Variants in JMJD1C observed in about 807,000 individuals in gnomAD.
JMJD1C encodes the protein jumonji domain containing 1C, also known as jumonji domain-containing protein 1C.
In JMJD1C, 31 loss-of-function variants were observed where a neutral mutation model predicts 245.3. The ratio of observed to expected loss-of-function variants is 0.13; its 90% CI spans 0.09 to 0.17. The LOEUF (loss-of-function observed/expected upper bound fraction) is 0.17, where lower values mean the gene tolerates loss of function less well. Among genes scored for constraint, JMJD1C ranks in the 10% least tolerant of loss-of-function variants. JMJD1C has a pLI of 1.00. For missense variants in JMJD1C, 2,691 were observed against 3,000.2 expected (o/e 0.90, Z 2.41); for synonymous variants, 1,057 against 1,017.4 (o/e 1.04, Z -0.74).
At chr10:63,292,144 A>ATCTTTTTTTTTTTT (rs1858836436) in intron 2 of JMJD1C, among the ~76,000 whole-genome samples, 1 of 56,326 alleles carries the variant, frequency 1.8e-5, no homozygotes, top group African/African-American at 7.4e-5. Context: ...GTAGAGACAG[A>ATCTTTTTTTTTTTT]TTTTTTTTTT....
intron 1 of JMJD1C, among the ~76,000 whole-genome samples, chr10:63,455,955 T>A (rs938282151): frequency 6.6e-6 from 1 of 152,136 alleles, no homozygotes; most frequent in Admixed American, 6.5e-5. Context: ...AATATTATAT[T>A]AACTGTAAGC....
At chr10:63,170,391 A>C (rs75160815) in intron 24 of JMJD1C, among the ~76,000 whole-genome samples, 2,496 of 152,280 alleles carry the variant, frequency 0.016, 35 homozygotes, top group Non-Finnish European at 0.025. Flanking sequence ...TCCCTGCCTC[A>C]GGGTTTGCTG....
At chr10:63,312,845 G>A (rs1348202034) in intron 2 of JMJD1C, among the ~76,000 whole-genome samples, 7 of 152,144 alleles carry the variant, frequency 4.6e-5, no homozygotes, top group South Asian at 2.1e-4. Context: ...ATTATACTTA[G>A]AATTGATTAG....
At chr10:63,185,501 T>C in intron 20 of JMJD1C, 62 bp downstream of exon 20, 2 of 907,704 alleles carry the variant, frequency 2.2e-6, no homozygotes, top group South Asian at 1.4e-5. Context: ...ACTTATCCTA[T>C]CTCTGGGGAC....
At chr10:63,306,062 G>C (rs1293643876) in intron 2 of JMJD1C, among the ~76,000 whole-genome samples, 2 of 151,814 alleles carry the variant, frequency 1.3e-5, no homozygotes, top group Admixed American at 6.6e-5. Context: ...AAAAGACTTA[G>C]TCATTAGTTT....
chr10:63,306,223 G>A (rs1938206016), intron 2 of JMJD1C, among the ~76,000 whole-genome samples: 1 of 152,068 alleles, frequency 6.6e-6, no homozygotes, highest in South Asian at 2.1e-4. Flanking sequence ...CAGTGTAGCT[G>A]GGACTACAGG....
At chr10:63,270,955 T>G (rs376689029) in intron 2 of JMJD1C, among the ~76,000 whole-genome samples, 3 of 152,186 alleles carry the variant, frequency 2.0e-5, no homozygotes, top group Non-Finnish European at 2.9e-5. Context: ...CAGCGAAAAT[T>G]TGTAAGTTTC....
chr10:63,222,865 T>C lies in JMJD1C; in HGVS notation c.448-2882A>G, dbSNP rs199565126. The C allele has an allele frequency of 1.3e-4, 183 of 1,455,628 alleles. No homozygotes were observed. The East Asian group carries it at 3.7e-3, about 29-fold the overall frequency. The allele number at this position is 1,455,628 out of a possible 1,614,324, so 90.2% of individuals were successfully genotyped here. A position where few individuals can be genotyped will look rare whatever the true frequency, so the allele number is the denominator to read the frequency against. ...AAAGTACACATGCTGGATCAAAATA[T>C]ATAAAAACTGCATTTCCTACCAAAA... On this transcript the variant is annotated intron_variant, in intron 3 of 25. Coordinates refer to ENST00000399262, the MANE Select transcript of JMJD1C (RefSeq NM_032776.3).
At chr10:63,341,547 TA>T (rs1943380308) in intron 2 of JMJD1C, among the ~76,000 whole-genome samples, 1 of 152,210 alleles carries the variant, frequency 6.6e-6, no homozygotes, top group African/African-American at 2.4e-5. Context: ...TACCAGCCCA[TA>T]TTAAGCTAAT....
chr10:63,373,788 A>G (rs918957236), intron 2 of JMJD1C, among the ~76,000 whole-genome samples: 1 of 152,220 alleles, frequency 6.6e-6, no homozygotes, highest in Non-Finnish European at 1.5e-5. Flanking sequence ...AGGAATTTTA[A>G]AACGCTTAAC....
intron 1 of JMJD1C, among the ~76,000 whole-genome samples, chr10:63,385,770 CA>C (rs1301729833): frequency 6.6e-6 from 1 of 151,962 alleles, no homozygotes; most frequent in Non-Finnish European, 1.5e-5. Context: ...TATTTAAAAA[CA>C]TTCAGCATCT....
upstream of JMJD1C, among the ~76,000 whole-genome samples, chr10:63,466,790 AT>A (rs58806797): frequency 0.14 from 20,982 of 152,126 alleles, 2,073 homozygotes; most frequent in East Asian, 0.29. Flanking sequence ...AAGAAAAAAA[AT>A]ATTTATTTCC....
At chr10:63,482,635 C>G (rs1028300741) in intron 1 of JMJD1C, among the ~76,000 whole-genome samples, 1 of 150,298 alleles carries the variant, frequency 6.7e-6, no homozygotes, top group African/African-American at 2.4e-5. Context: ...GACTTCATCT[C>G]AAAAAAAAGA....
At chr10:63,429,290 T>C (rs1357243516) in intron 1 of JMJD1C, among the ~76,000 whole-genome samples, 1 of 152,120 alleles carries the variant, frequency 6.6e-6, no homozygotes, top group Non-Finnish European at 1.5e-5. Flanking sequence ...GACAGGTCTT[T>C]TTTAACTCAG....
At chr10:63,425,602 C>T (rs1485599293) in intron 1 of JMJD1C, among the ~76,000 whole-genome samples, 2 of 151,860 alleles carry the variant, frequency 1.3e-5, no homozygotes, top group Non-Finnish European at 2.9e-5. Context: ...GGTAACATGG[C>T]GAGATCCCAT....
At chr10:63,195,669 G>A (rs1207689256) in intron 13 of JMJD1C, among the ~76,000 whole-genome samples, 3 of 152,110 alleles carry the variant, frequency 2.0e-5, no homozygotes, top group Non-Finnish European at 4.4e-5. Flanking sequence ...GGCCAGGCAT[G>A]GTGGCTCACG....
intron 2 of JMJD1C, among the ~76,000 whole-genome samples, chr10:63,339,113 C>G (rs1288665463): frequency 6.6e-6 from 1 of 152,126 alleles, no homozygotes; most frequent in African/African-American, 2.4e-5. Flanking sequence ...CTGGTAGATA[C>G]CACTTTACCA....
chr10:63,440,365 T>TAG (rs56364516), intron 1 of JMJD1C, among the ~76,000 whole-genome samples: 9,913 of 137,460 alleles, frequency 0.072, 471 homozygotes, highest in Non-Finnish European at 0.11. Context: ...TATATATATA[T>TAG]AGAGAGAGAG....
At chr10:63,448,244 C>T (rs1951826713) in intron 1 of JMJD1C, among the ~76,000 whole-genome samples, 1 of 152,148 alleles carries the variant, frequency 6.6e-6, no homozygotes, top group Admixed American at 6.5e-5. Context: ...GCAACCTCCA[C>T]CTCCCAGGTT....
Sources: gnomAD v4.1 joint callset for allele counts (sites outside exome capture counted in the v4.1 genomes callset) on GRCh38, gnomAD v4.1.1 for gene constraint, MANE v1.5 for transcripts, NCBI Gene and HGNC (gene_info 2026-07-23, HGNC 2026-07-21) for gene names.